The following MYH7 variants were observed in gnomAD, a reference collection of about 807,000 sequenced individuals.
MYH7 encodes myosin-7.
In MYH7, 129 loss-of-function variants were observed where a neutral mutation model predicts 225.4. The observed-to-expected ratio is 0.57, with a 90% confidence interval of 0.50 to 0.66. The LOEUF is 0.66. Among genes scored for constraint, MYH7 ranks in the 30% least tolerant of loss-of-function variants. The probability of loss-of-function intolerance (pLI) is 0.00; values close to 1 mark genes in which losing one functional copy is unlikely to be tolerated. For synonymous variants in MYH7, 971 were observed against 1,007.6 expected, an observed-to-expected ratio of 0.96 and a Z score of 0.69; for missense variants, 1,649 against 2,517.0, an observed-to-expected ratio of 0.66 and a Z score of 7.38.
chr14:23,421,021 G>T lies in MYH7; in HGVS notation c.3273C>A (p.Asn1091Lys), dbSNP rs200664031. The change falls in exon 26 of 40, where the codon AAC (asparagine) becomes AAA (lysine). Residue 1091 changes from asparagine (N) to lysine (K), a missense_variant. Physicochemically the swap from Asn to Lys is moderately conservative, Grantham distance 94 (BLOSUM62 0). Transcript: ENST00000355349. ...GGGCCTGTTCATCCTCAATCCTTGC[G>T]TTGAGAGCATTCAGCTCAAAGTCTT... ...KKKDFELNAL[N>K]ARIEDEQALG... The T allele has an allele frequency of 6.2e-7, 1 of 1,612,962 alleles. No individual in the cohort carries two copies. Among genetic ancestry groups the T allele is most frequent in the South Asian group, 1.1e-5 (1 of 91,012 alleles).
rs751904168 is a variant in MYH7 at position 23,423,588 on chromosome 14, G to T, written c.3058C>A (p.Leu1020Met). 7 of 1,613,972 alleles carry T rather than the reference G, an allele frequency of 4.3e-6. No homozygotes were observed. In the South Asian group the frequency reaches 7.7e-5, roughly 18 times the overall value. ...LQAEEDKVNT[L>M]TKAKVKLEQQ... Reference sequence around the variant, plus strand: ...TCCAGCTTGACTTTGGCCTTAGTCAGGGTGTTGACCTTGTCCTCCTCGGCC... The same window carrying T: ...TCCAGCTTGACTTTGGCCTTAGTCATGGTGTTGACCTTGTCCTCCTCGGCC... The change falls in exon 24 of 40, where the codon CTG (leucine) becomes ATG (methionine). Residue 1020 changes from leucine (L) to methionine (M), a missense_variant. Physicochemically the swap from Leu to Met is conservative, Grantham distance 15. Coordinates refer to ENST00000355349, the MANE Select transcript of MYH7 (RefSeq NM_000257.4).
Position 23,417,677 on chromosome 14 carries a change from C to T in MYH7, c.4179G>A (p.Leu1393=). Residue 1393 remains leucine (L), a synonymous_variant, in exon 31 of 40, where the codon CTG becomes CTA. Transcript: ENST00000355349. ...TEELEEAKKK[L]AQRLQEAEEA... ...CCTCAGCTTCCTGCAGCCGCTGGGC[C>T]AGCTTCTTCCTGCCCAGGGGAGGGT... 6.2e-7 allele frequency: 1 copy of T among 1,612,844 alleles called. No homozygotes were observed. Among genetic ancestry groups the T allele is most frequent in the Non-Finnish European group, 8.5e-7 (1 of 1,180,028 alleles).
Position 23,427,337 on chromosome 14 carries a change from A to C in MYH7, c.1889-30T>G, listed in dbSNP as rs527804917. ...AGGAAGGAGAGTCAACAAAAGAAGC[A>C]TCAGTGTGGGGAGGTAGGGTGTGAG... On this transcript the variant is annotated intron_variant, in intron 16 of 39. Transcript: ENST00000355349. 4 of 1,612,840 alleles carry C rather than the reference A, an allele frequency of 2.5e-6. No homozygotes were observed. The African/African-American group carries it at 5.3e-5, about 22-fold the overall frequency.
intron 11 of MYH7, 99 bp from the exon 12 acceptor site, chr14:23,430,012 C>A (rs1892863436): frequency 3.5e-6 from 5 of 1,448,494 alleles, no homozygotes; most frequent in African/African-American, 1.4e-5. Context: ...TCCTTAATCC[C>A]TGTGGGTTCT....
At chr14:23,428,367 T>C (rs1892780802) in intron 15 of MYH7, 133 bp downstream of exon 15, 5 of 1,450,552 alleles carry the variant, frequency 3.4e-6, no homozygotes, top group Non-Finnish European at 4.8e-6. Context: ...ACATAGGCTC[T>C]GGAACCAAGG....
At chr14:23,422,682 G>A (rs1419114465) in intron 24 of MYH7, among the ~76,000 whole-genome samples, 1 of 134,912 alleles carries the variant, frequency 7.4e-6, no homozygotes, top group Non-Finnish European at 1.5e-5. Context: ...CCAGGCTGGA[G>A]TGCAGTGGCG....
At chr14:23,428,337 T>C (rs1459801441) in intron 15 of MYH7, among the ~76,000 whole-genome samples, 163 bp downstream of exon 15, 1 of 152,184 alleles carries the variant, frequency 6.6e-6, no homozygotes, top group Non-Finnish European at 1.5e-5. Flanking sequence ...GGTGCCACCC[T>C]GTCCTGGGTG....
chr14:23,422,474 G>T, intron 24 of MYH7, 149 bp from the exon 25 acceptor site: 1 of 1,007,088 alleles, frequency 9.9e-7, no homozygotes, highest in Non-Finnish European at 1.5e-6. Context: ...AGGGGACTGT[G>T]AGATTGCCTA....
At chr14:23,420,317 C>T in intron 26 of MYH7, 83 bp from the exon 27 acceptor site, 2 of 1,554,204 alleles carry the variant, frequency 1.3e-6, no homozygotes, top group Non-Finnish European at 1.7e-6. Context: ...CTCGGCTTCT[C>T]TGGAACAGCA....
rs369562442 is a variant in MYH7 at position 23,415,647 on chromosome 14, C to T, written c.5139G>A (p.Val1713=). Residue 1713 remains valine, a synonymous_variant, in exon 35 of 40, where the codon GTG becomes GTA. Coordinates refer to ENST00000355349, the MANE Select transcript of MYH7 (RefSeq NM_000257.4). The surrounding 1 kb of genome is among the most constrained non-coding windows in gnomAD (Gnocchi z 6.3). ...TGCTCACCTGGGAATGCAGCAGCTG[C>T]ACCCGCTCACTAGTCTCAATCAGCT... ...EQELIETSER[V]QLLHSQNTSL... The T allele has an allele frequency of 1.5e-5, 24 of 1,613,776 alleles. No homozygotes were observed. The African/African-American group carries it at 2.9e-4, about 20-fold the overall frequency.
Position 23,427,216 on chromosome 14 carries a change from T to C in MYH7, c.1956+24A>G, listed in dbSNP as rs1420991702. 3 of 1,612,590 alleles carry C rather than the reference T, an allele frequency of 1.9e-6. No individual in the cohort carries two copies. In the African/African-American group the frequency reaches 4.0e-5, roughly 22 times the overall value. On this transcript the variant is annotated intron_variant, in intron 17 of 39. Transcript: ENST00000355349. Reference sequence around the variant, plus strand: ...GGGTTGGGCAGATGGGGAGCCAAGTTGGCTGGGGCTGTGTCCCACTCACCC... The same window carrying C: ...GGGTTGGGCAGATGGGGAGCCAAGTCGGCTGGGGCTGTGTCCCACTCACCC...
intron 30 of MYH7, chr14:23,417,935 C>G: frequency 2.3e-6 from 2 of 865,948 alleles, no homozygotes; most frequent in South Asian, 2.7e-5. Flanking sequence ...GCTTCTGCAG[C>G]CCTCCCCACT....
At chr14:23,421,892 G>T (rs1892486415) in intron 25 of MYH7, 1 of 597,132 alleles carries the variant, frequency 1.7e-6, no homozygotes, top group Non-Finnish European at 2.1e-6. Context: ...TCCAAAGAGA[G>T]ATGTGTATGA....
Position 23,423,567 on chromosome 14 carries a change from G to A in MYH7, c.3079C>T (p.Leu1027=), listed in dbSNP as rs763501840. 1.2e-6 allele frequency: 2 copies of A among 1,613,666 alleles called. No individual in the cohort carries two copies. Among genetic ancestry groups the A allele is most frequent in the Admixed American group, 3.3e-5 (2 of 59,972 alleles). ...CTCACATCATCCACTTGCTGCTCCA[G>A]CTTGACTTTGGCCTTAGTCAGGGTG... ...VNTLTKAKVK[L]EQQVDDLEGS... Residue 1027 remains leucine (L), a synonymous_variant, in exon 24 of 40, where the codon CTG becomes TTG. Transcript: ENST00000355349.
In MYH7 at chr14:23,426,066, G is replaced by A. The variant is rs747382784; in HGVS notation, c.2060C>T (p.Pro687Leu). 2 of 1,614,182 alleles carry A rather than the reference G, an allele frequency of 1.2e-6. No individual in the cohort carries two copies. The highest frequency in any genetic ancestry group is 1.7e-6 in the Non-Finnish European group (2 of 1,180,016). Residue 687 changes from proline (P) to leucine (L), a missense_variant, in exon 19 of 40, where the codon CCC (proline) becomes CTC (leucine). This residue lies in a region of MYH7 where 112 missense variants were observed against 161.9 expected (regional missense o/e 0.69). Transcript: ENST00000355349. ...GCAGCGCAGCTGGTGCATGACCAGG[G>A]GGTTGTCCATCACCCCTGTGGCAAG... ...ETKSPGVMDN[P>L]LVMHQLRCNG...
At chr14:23,418,080 G>T (rs374406247) in intron 30 of MYH7, 130 bp downstream of exon 30, 1 of 1,362,956 alleles carries the variant, frequency 7.3e-7, no homozygotes, top group Admixed American at 1.7e-5. Context: ...AGGTGGGGCC[G>T]GGGCAGAGTC....
At chr14:23,426,558 G>A (rs1566533086) in intron 18 of MYH7, among the ~76,000 whole-genome samples, 6 of 152,226 alleles carry the variant, frequency 3.9e-5, no homozygotes. Flanking sequence ...CACTGATGAG[G>A]TAATGTCCAT....
chr14:23,417,967 C>T, intron 30 of MYH7: 1 of 872,610 alleles, frequency 1.1e-6, no homozygotes, highest in South Asian at 1.3e-5. Flanking sequence ...CCACAGTGCC[C>T]TGCCCCAGAC....
Position 23,415,751 on chromosome 14 carries a change from T to C in MYH7, c.5035A>G (p.Asn1679Asp). 5 of 1,614,180 alleles carry C rather than the reference T, an allele frequency of 3.1e-6. No homozygotes were observed. Among genetic ancestry groups the C allele is most frequent in the Non-Finnish European group, 4.2e-6 (5 of 1,180,032 alleles). Residue 1679 changes from asparagine (N) to aspartate (D), a missense_variant, in exon 35 of 40, where the codon AAC becomes GAC. Physicochemically the swap from Asn to Asp is conservative, Grantham distance 23. Coordinates refer to ENST00000355349, the MANE Select transcript of MYH7 (RefSeq NM_000257.4). The surrounding 1 kb of genome is among the most constrained non-coding windows in gnomAD (Gnocchi z 6.3). ...TCCTCCAGCTCAGCCTGCAGCAGGTTGTTGCGCCGCTCCACGATGGCGATG... is the reference window on the plus strand; with the variant it reads ...TCCTCCAGCTCAGCCTGCAGCAGGTCGTTGCGCCGCTCCACGATGGCGATG... ...ENIAIVERRN[N>D]LLQAELEELR... is the part of the protein sequence containing the mutation.
Sources: gnomAD v4.1 joint callset for allele counts (sites outside exome capture counted in the v4.1 genomes callset) on GRCh38, gnomAD v4.1.1 for gene constraint, gnomAD v4.1.1 regional missense constraint, Gnocchi (gnomAD v3.1) non-coding constraint, MANE v1.5 for transcripts, NCBI Gene and HGNC (gene_info 2026-07-23, HGNC 2026-07-21) for gene names.